The following PARL variants were observed in gnomAD, a reference collection of about 807,000 sequenced individuals.
PARL encodes presenilin associated rhomboid like.
A neutral mutation model predicts 51.6 loss-of-function variants in PARL; 44 were observed. The observed-to-expected ratio is 0.85, with a 90% CI of 0.67 to 1.10. PARL has a LOEUF of 1.10. Among genes scored for constraint, PARL ranks in the 50% least tolerant of loss-of-function variants. The probability of loss-of-function intolerance (pLI) is 0.00; values close to 1 mark genes in which losing one functional copy is unlikely to be tolerated. For synonymous variants in PARL, 172 were observed against 164.0 expected (o/e 1.05, Z -0.37); for missense variants, 441 against 469.5 (o/e 0.94, Z 0.56).
Position 183,842,216 on chromosome 3 carries a change from G to A in PARL, c.757+82C>T, listed in dbSNP as rs1372141583. 4 of 1,281,610 alleles carry A rather than the reference G, an allele frequency of 3.1e-6. No homozygotes were observed. The Admixed American group carries it at 5.0e-5, about 16-fold the overall frequency. 79.4% of individuals were successfully genotyped at this position (1,281,610 alleles called of 1,614,324 possible). A position where few individuals can be genotyped will look rare whatever the true frequency, so the allele number is the denominator to read the frequency against. ...GAGCACTCACTACGTGTAGAATATGGCAGTAATCATTCCCTTTGTCCGTTC... is the reference window on the plus strand; with the variant it reads ...GAGCACTCACTACGTGTAGAATATGACAGTAATCATTCCCTTTGTCCGTTC... On this transcript the variant is annotated intron_variant, in intron 6 of 9. Coordinates refer to ENST00000317096, the MANE Select transcript of PARL (RefSeq NM_018622.7).
chr3:183,842,570 G>A (rs1729453371), intron 5 of PARL, 123 bp from the exon 6 acceptor site: 1 of 856,212 alleles, frequency 1.2e-6, no homozygotes. Context: ...AGCACTTTGG[G>A]AGGCCAAGGC....
intron 5 of PARL, among the ~76,000 whole-genome samples, chr3:183,843,866 C>G (rs180706187): frequency 1.9e-3 from 292 of 151,798 alleles, no homozygotes; most frequent in African/African-American, 6.4e-3. Context: ...CGGTGAAACC[C>G]TGTCTCTATT....
At chr3:183,828,910 C>T (rs963107179), downstream of PARL, among the ~76,000 whole-genome samples, 43 of 152,182 alleles carry the variant, frequency 2.8e-4, no homozygotes, top group Admixed American at 2.0e-3. Flanking sequence ...GAGGCTGTGA[C>T]GACGACAGCC....
intron 1 of PARL, among the ~76,000 whole-genome samples, chr3:183,882,293 A>C (rs1734622624): frequency 1.9e-5 from 2 of 107,232 alleles, no homozygotes; most frequent in South Asian, 2.9e-4. Flanking sequence ...ACACACACAC[A>C]TATATATACA....
chr3:183,841,769 G>A (rs1729340385), intron 6 of PARL, among the ~76,000 whole-genome samples: 1 of 152,144 alleles, frequency 6.6e-6, no homozygotes, highest in African/African-American at 2.4e-5. Flanking sequence ...TCAAGACCAT[G>A]GCTAGGAAGT....
chr3:183,836,874 G>C (rs1728662687), intron 7 of PARL, among the ~76,000 whole-genome samples: 1 of 152,050 alleles, frequency 6.6e-6, no homozygotes, highest in African/African-American at 2.4e-5. Context: ...CAAGTAGCTG[G>C]GACTAACAGG....
At chr3:183,868,482 C>T (rs1732794621) in intron 1 of PARL, among the ~76,000 whole-genome samples, 1 of 152,034 alleles carries the variant, frequency 6.6e-6, no homozygotes, top group African/African-American at 2.4e-5. Flanking sequence ...ACGATCATGG[C>T]TCACTGCAGC....
chr3:183,861,949 A>T (rs2108663290), intron 4 of PARL, among the ~76,000 whole-genome samples: 1 of 152,152 alleles, frequency 6.6e-6, no homozygotes, highest in Non-Finnish European at 1.5e-5. Context: ...AATTTTTTGT[A>T]TCTTTGGTAG....
chr3:183,867,241 T>G (rs535510979), intron 2 of PARL, among the ~76,000 whole-genome samples: 1 of 152,124 alleles, frequency 6.6e-6, no homozygotes, highest in Non-Finnish European at 1.5e-5. Context: ...TCCCATTGTA[T>G]TAACTTCACA....
At chr3:183,838,981 C>T (rs932369034) in intron 7 of PARL, among the ~76,000 whole-genome samples, 9 of 152,206 alleles carry the variant, frequency 5.9e-5, no homozygotes, top group African/African-American at 1.9e-4. Context: ...GTCTCTGATT[C>T]ATCCTAGTGG....
At chr3:183,882,489 T>C (rs886371978) in intron 1 of PARL, among the ~76,000 whole-genome samples, 1 of 151,622 alleles carries the variant, frequency 6.6e-6, no homozygotes, top group African/African-American at 2.4e-5. Flanking sequence ...GCAAGTTTTT[T>C]AAAAATATAA....
intron 2 of PARL, among the ~76,000 whole-genome samples, chr3:183,867,425 G>A (rs1216140964): frequency 6.6e-6 from 1 of 152,080 alleles, no homozygotes; most frequent in Non-Finnish European, 1.5e-5. Context: ...TCTAGGCCGG[G>A]CGCAGTGGCT....
At chr3:183,874,411 CT>C (rs71629997) in intron 1 of PARL, among the ~76,000 whole-genome samples, 137 of 140,834 alleles carry the variant, frequency 9.7e-4, no homozygotes, top group Non-Finnish European at 7.0e-4. Context: ...TAGAAATAAT[CT>C]TTTTTTTTTT....
chr3:183,863,549 G>GA (rs1429664895), intron 3 of PARL, among the ~76,000 whole-genome samples: 2 of 151,868 alleles, frequency 1.3e-5, no homozygotes, highest in Admixed American at 6.6e-5. Context: ...GTTATTAAAA[G>GA]AAAAAATCCA....
intron 3 of PARL, 90 bp downstream of exon 3, chr3:183,866,535 T>A: frequency 1.1e-5 from 11 of 993,522 alleles, no homozygotes; most frequent in Non-Finnish European, 1.1e-5. Flanking sequence ...TGTGAATGCA[T>A]CATGTACACT....
rs143922685 is a variant in PARL, at chr3:183,867,847, A to G, written c.321+18T>C. On this transcript the variant is annotated intron_variant, in intron 2 of 9. Transcript: ENST00000317096. ...ATTTCTAGCAAGGTAGGTAACTCCT[A>G]GCAAAGTGAGCTCTTACCCCAACAG... 1 of 1,581,196 alleles carries G rather than the reference A, an allele frequency of 6.3e-7. No individual in the cohort carries two copies. Among genetic ancestry groups the G allele is most frequent in the East Asian group, 2.2e-5 (1 of 44,710 alleles).
At chr3:183,865,480 G>A (rs1732363678) in intron 3 of PARL, among the ~76,000 whole-genome samples, 2 of 152,208 alleles carry the variant, frequency 1.3e-5, no homozygotes, top group Non-Finnish European at 2.9e-5. Flanking sequence ...TGAGCAGTGG[G>A]AGAGCATTAC....
At chr3:183,864,092 A>G (rs762562807) in intron 3 of PARL, among the ~76,000 whole-genome samples, 1 of 152,214 alleles carries the variant, frequency 6.6e-6, no homozygotes, top group East Asian at 1.9e-4. Context: ...TCTCAAATAC[A>G]TTGACTGAAC....
downstream of PARL, chr3:183,829,253 C>T (rs1727638821): frequency 2.3e-6 from 1 of 436,796 alleles, no homozygotes; most frequent in Admixed American, 3.8e-5. Flanking sequence ...CTGGAGGGTC[C>T]AAAGACAGGC....
Sources: gnomAD v4.1 joint callset for allele counts (sites outside exome capture counted in the v4.1 genomes callset) on GRCh38, gnomAD v4.1.1 for gene constraint, MANE v1.5 for transcripts, NCBI Gene and HGNC (gene_info 2026-07-23, HGNC 2026-07-21) for gene names.